The following PCDH15 variants were observed in gnomAD, a reference collection of about 807,000 sequenced individuals.
PCDH15 encodes the protein protocadherin related 15, also known as protocadherin-15.
In PCDH15, 129 loss-of-function variants were observed where a neutral mutation model predicts 178.5. The ratio of observed to expected loss-of-function variants is 0.72; its 90% CI spans 0.63 to 0.84. PCDH15 has a LOEUF of 0.84. Ranked by LOEUF, PCDH15 falls within the 40% of genes least tolerant of loss-of-function variation. PCDH15 has a pLI of 0.00. For synonymous variants in PCDH15, 800 were observed against 732.0 expected, an observed-to-expected ratio of 1.09 and a Z score of -1.50; for missense variants, 2,230 against 2,099.9, an observed-to-expected ratio of 1.06 and a Z score of -1.21.
intron 1 of PCDH15, among the ~76,000 whole-genome samples, chr10:54,700,199 A>G (rs2095290661): frequency 6.6e-6 from 1 of 152,096 alleles, no homozygotes; most frequent in African/African-American, 2.4e-5. Flanking sequence ...CAAAGAAGAT[A>G]AAAGCAAATA....
chr10:54,909,482 G>T (rs1340843631), intron 2 of PCDH15, among the ~76,000 whole-genome samples: 1 of 152,178 alleles, frequency 6.6e-6, no homozygotes, highest in Non-Finnish European at 1.5e-5. Context: ...TGGACAGGTT[G>T]TGACAACACC....
At chr10:54,027,865 CAG>C (rs2093159941) in intron 18 of PCDH15, among the ~76,000 whole-genome samples, 1 of 146,204 alleles carries the variant, frequency 6.8e-6, no homozygotes, top group Non-Finnish European at 1.5e-5. Context: ...CATTACCATT[CAG>C]GACATAGGCA....
rs1444809403 is a variant in PCDH15, at chr10:54,763,042, G to C, written c.-29+37883C>G. Among the ~76,000 whole-genome samples the C allele has an allele frequency of 1.7e-4, 26 of 152,100 alleles. 2 individuals carry two copies. The highest frequency in any genetic ancestry group is 1.6e-3 in the Admixed American group (25 of 15,274). On this transcript the variant is annotated intron_variant, in intron 1 of 37. Transcript: ENST00000644397. ...ATTACTTGTCATGATTAGATATTCA[G>C]CTAAGGTATACATCACAGACCATCT...
At chr10:53,917,021 T>C (rs1008883189) in intron 25 of PCDH15, among the ~76,000 whole-genome samples, 1 of 152,136 alleles carries the variant, frequency 6.6e-6, no homozygotes, top group African/African-American at 2.4e-5. Context: ...ATATGAGATA[T>C]ATAGGAATAT....
chr10:55,281,044 A>T (rs747791332), intron 1 of PCDH15, among the ~76,000 whole-genome samples: 1 of 152,240 alleles, frequency 6.6e-6, no homozygotes, highest in Non-Finnish European at 1.5e-5. Context: ...ATACTATAGC[A>T]TATTAACAGT....
intron 2 of PCDH15, among the ~76,000 whole-genome samples, chr10:54,565,113 C>T: frequency 6.6e-6 from 1 of 152,138 alleles, no homozygotes; most frequent in Non-Finnish European, 1.5e-5. Context: ...CACTTGGATT[C>T]TAATCACATC....
chr10:54,122,319 C>G (rs950666465), intron 15 of PCDH15, among the ~76,000 whole-genome samples: 3 of 151,936 alleles, frequency 2.0e-5, no homozygotes, highest in Non-Finnish European at 2.9e-5. Flanking sequence ...ATTCAACATC[C>G]CTTCATGGTA....
chr10:54,018,368 T>C (rs2092809499), intron 20 of PCDH15, among the ~76,000 whole-genome samples: 1 of 151,774 alleles, frequency 6.6e-6, no homozygotes, highest in South Asian at 2.1e-4. Context: ...TTTCCCACAG[T>C]CTTCAGGTAA....
At chr10:54,228,363 A>C (rs1258337094) in intron 9 of PCDH15, among the ~76,000 whole-genome samples, 1 of 152,128 alleles carries the variant, frequency 6.6e-6, no homozygotes, top group Non-Finnish European at 1.5e-5. Context: ...AAATCATCAG[A>C]TCTTGTGAGA....
intron 10 of PCDH15, among the ~76,000 whole-genome samples, chr10:54,202,369 G>T (rs537053241): frequency 2.6e-4 from 40 of 152,112 alleles, no homozygotes; most frequent in African/African-American, 9.4e-4. Context: ...AATAAAGGAT[G>T]GATAGAGGGA....
At chr10:54,899,009 T>G (rs1386007308) in intron 2 of PCDH15, among the ~76,000 whole-genome samples, 1 of 152,152 alleles carries the variant, frequency 6.6e-6, no homozygotes, top group African/African-American at 2.4e-5. Flanking sequence ...GATAGAGTCT[T>G]GCTTAAGTCA....
intron 3 of PCDH15, among the ~76,000 whole-genome samples, chr10:54,399,189 A>G (rs959197231): frequency 2.6e-5 from 4 of 152,078 alleles, no homozygotes; most frequent in African/African-American, 9.7e-5. Context: ...AGCCAAAACT[A>G]TGCTACCTAC....
chr10:54,574,380 T>A (rs1456651679), intron 2 of PCDH15, among the ~76,000 whole-genome samples: 1 of 151,548 alleles, frequency 6.6e-6, no homozygotes, highest in Non-Finnish European at 1.5e-5. Flanking sequence ...GTTCCATTGA[T>A]CTATATCTCT....
intron 2 of PCDH15, among the ~76,000 whole-genome samples, chr10:55,130,469 TTAG>T (rs901517813): frequency 6.6e-6 from 1 of 152,156 alleles, no homozygotes; most frequent in African/African-American, 2.4e-5. Context: ...ATACTATCAC[TTAG>T]TAGTTTAGAA....
intron 2 of PCDH15, among the ~76,000 whole-genome samples, chr10:54,945,351 T>TATATAGATAGATAGATA (rs36018565): frequency 7.2e-6 from 1 of 138,014 alleles, no homozygotes. Flanking sequence ...GATAGATAGA[T>TATATAGATAGATAGATA]GATAGATAGA....
intron 2 of PCDH15, among the ~76,000 whole-genome samples, chr10:54,945,564 T>C (rs984560001): frequency 6.6e-6 from 1 of 151,660 alleles, no homozygotes; most frequent in Non-Finnish European, 1.5e-5. Context: ...AGCATATAAA[T>C]ATATAATTTT....
chr10:53,828,498 G>T, intron 31 of PCDH15, 67 bp downstream of exon 31: 1 of 1,322,912 alleles, frequency 7.6e-7, no homozygotes, highest in Non-Finnish European at 1.1e-6. Flanking sequence ...TGACTTGATT[G>T]ATATAATCTC....
At position 55,487,349 on chromosome 10, in the gene PCDH15, TTTCAAC is replaced by T. The variant is rs139267345; in HGVS notation, c.-156+140270_-156+140275del. 4.7e-3 allele frequency among the ~76,000 whole-genome samples: 717 copies of T among 151,802 alleles called. 6 individuals are homozygous for T. The highest frequency in any genetic ancestry group is 0.016 in the African/African-American group (683 of 41,496). ...ACTGAGGTTTGTCATCATCAGATTC[TTTCAAC>T]TTCATTTACAGTCACCATTTTTCTT... On this transcript the variant is annotated intron_variant, in intron 2 of 5. Coordinates refer to the PCDH15 transcript ENST00000613346.
intron 3 of PCDH15, among the ~76,000 whole-genome samples, chr10:54,495,841 G>A (rs2080060600): frequency 6.6e-6 from 1 of 151,980 alleles, no homozygotes; most frequent in Admixed American, 6.6e-5. Context: ...CTCCTATTTG[G>A]TCCTTTTCAA....
Sources: gnomAD v4.1 joint callset for allele counts (sites outside exome capture counted in the v4.1 genomes callset) on GRCh38, gnomAD v4.1.1 for gene constraint, MANE v1.5 for transcripts, NCBI Gene and HGNC (gene_info 2026-07-23, HGNC 2026-07-21) for gene names.